Variants in ATF7 observed in about 807,000 individuals in gnomAD.
ATF7 encodes the protein activating transcription factor 7.
Under a neutral mutation model 50.4 loss-of-function variants are expected in ATF7, and 10 were observed. The ratio of observed to expected loss-of-function variants is 0.20; its 90% CI spans 0.12 to 0.34. The LOEUF (loss-of-function observed/expected upper bound fraction) is 0.34, where lower values mean the gene tolerates loss of function less well. Among genes scored for constraint, ATF7 ranks in the 10% least tolerant of loss-of-function variants. ATF7 has a pLI of 1.00. For synonymous variants in ATF7, 201 were observed against 226.4 expected, an observed-to-expected ratio of 0.89 and a Z score of 1.01; for missense variants, 465 against 613.9, an observed-to-expected ratio of 0.76 and a Z score of 2.56.
At chr12:53,525,132 TC>T (rs1431213858) in intron 9 of ATF7, among the ~76,000 whole-genome samples, 1 of 152,212 alleles carries the variant, frequency 6.6e-6, no homozygotes, top group Non-Finnish European at 1.5e-5. Flanking sequence ...GGCGGGCAGA[TC>T]ACCTGAGGTC....
chr12:53,536,529 G>A (rs548444852), intron 5 of ATF7, among the ~76,000 whole-genome samples: 12 of 151,812 alleles, frequency 7.9e-5, no homozygotes, highest in African/African-American at 2.7e-4. Flanking sequence ...CCACCACCTC[G>A]GCCTCCCAAA....
chr12:53,618,319 C>T (rs1944226700), intron 1 of ATF7, among the ~76,000 whole-genome samples: 1 of 152,104 alleles, frequency 6.6e-6, no homozygotes, highest in Non-Finnish European at 1.5e-5. Context: ...TTCTGCTTTC[C>T]AGGAGAATTC....
At chr12:53,599,549 A>T (rs754903897) in intron 2 of ATF7, among the ~76,000 whole-genome samples, 8 of 151,968 alleles carry the variant, frequency 5.3e-5, no homozygotes, top group Non-Finnish European at 1.0e-4. Context: ...AAGGAAATAC[A>T]CCCTAGGATG....
At chr12:53,626,027 G>A (rs1196125038) in intron 1 of ATF7, 2 of 152,298 alleles carry the variant, frequency 1.3e-5, no homozygotes, top group Non-Finnish European at 2.9e-5. Context: ...GGGAGAGAAG[G>A]GCGGCGCTCG....
At position 53,517,288 on chromosome 12, in the gene ATF7, G is replaced by A. The variant is rs774608144; in HGVS notation, c.1301C>T (p.Thr434Ile). Residue 434 changes from threonine (T) to isoleucine (I), a missense_variant, in exon 12 of 12, where the codon ACA becomes ATA. By Grantham distance (89) the Thr-to-Ile change is moderately conservative. Coordinates refer to ENST00000420353, the MANE Select transcript of ATF7 (RefSeq NM_006856.3). ...PAPVIQHSSA[T>I]APSNGLSVRS... Reference sequence around the variant, plus strand: ...AACACTGAGGCCATTGCTAGGGGCTGTTGCTGAGCTGTGCTGAATCACAGG... The same window carrying A: ...AACACTGAGGCCATTGCTAGGGGCTATTGCTGAGCTGTGCTGAATCACAGG... 6.2e-7 allele frequency: 1 copy of A among 1,614,058 alleles called. No individual in the cohort carries two copies. The highest frequency in any genetic ancestry group is 1.7e-5 in the Admixed American group (1 of 60,030).
At chr12:53,527,305 T>A (rs895750883) in intron 9 of ATF7, among the ~76,000 whole-genome samples, 3 of 150,050 alleles carry the variant, frequency 2.0e-5, no homozygotes, top group Non-Finnish European at 4.4e-5. Context: ...GGCAACATAG[T>A]GAGATCCGTT....
intron 2 of ATF7, among the ~76,000 whole-genome samples, chr12:53,553,567 G>A (rs574406423): frequency 1.3e-5 from 2 of 152,234 alleles, no homozygotes; most frequent in South Asian, 4.1e-4. Flanking sequence ...CTTCTTAAAA[G>A]GGGGAGAGTG....
intron 4 of ATF7, among the ~76,000 whole-genome samples, chr12:53,540,112 G>T (rs772132423): frequency 8.5e-5 from 13 of 152,082 alleles, no homozygotes; most frequent in Non-Finnish European, 1.6e-4. Flanking sequence ...CAGCACTTTG[G>T]GAAGCTGAGG....
chr12:53,607,742 A>G (rs993054938), intron 1 of ATF7, among the ~76,000 whole-genome samples: 3 of 152,212 alleles, frequency 2.0e-5, no homozygotes, highest in Non-Finnish European at 2.9e-5. Flanking sequence ...AAGATAAGGG[A>G]ATTAACATCA....
intron 7 of ATF7, 45 bp from the exon 8 acceptor site, chr12:53,532,668 T>G: frequency 4.4e-6 from 6 of 1,352,456 alleles, no homozygotes; most frequent in Non-Finnish European, 6.2e-6. Flanking sequence ...GGGAACATAA[T>G]ACCATCGGTG....
At chr12:53,595,429 A>C (rs1352371931) in intron 2 of ATF7, among the ~76,000 whole-genome samples, 4 of 152,242 alleles carry the variant, frequency 2.6e-5, no homozygotes, top group African/African-American at 9.6e-5. Context: ...ACAGAATTAA[A>C]GATCCAGAGT....
At chr12:53,620,191 C>A (rs574850562) in intron 1 of ATF7, among the ~76,000 whole-genome samples, 2 of 152,206 alleles carry the variant, frequency 1.3e-5, no homozygotes, top group Admixed American at 6.5e-5. Flanking sequence ...GTAATCCTAG[C>A]ACTTTGGGAG....
At chr12:53,559,460 C>A (rs1448284559) in intron 2 of ATF7, among the ~76,000 whole-genome samples, 2 of 151,916 alleles carry the variant, frequency 1.3e-5, no homozygotes, top group African/African-American at 4.8e-5. Flanking sequence ...GGGCAGATCA[C>A]TTGAGGTCAG....
At chr12:53,608,377 G>T (rs1157376768) in intron 1 of ATF7, among the ~76,000 whole-genome samples, 2 of 151,944 alleles carry the variant, frequency 1.3e-5, no homozygotes, top group Non-Finnish European at 2.9e-5. Flanking sequence ...GTTCAAAAAG[G>T]ACCATAAAAA....
At chr12:53,567,561 T>C (rs1278724898) in intron 2 of ATF7, among the ~76,000 whole-genome samples, 2 of 152,238 alleles carry the variant, frequency 1.3e-5, no homozygotes, top group African/African-American at 4.8e-5. Flanking sequence ...AGATCCATTA[T>C]CTTTCCTTAG....
chr12:53,562,994 G>T (rs528041048), intron 2 of ATF7, among the ~76,000 whole-genome samples: 1 of 152,254 alleles, frequency 6.6e-6, no homozygotes, highest in Non-Finnish European at 1.5e-5. Context: ...CCTTGTTTAT[G>T]ATTTTATTTT....
At chr12:53,602,787 T>C (rs1943454778) in intron 1 of ATF7, among the ~76,000 whole-genome samples, 1 of 152,170 alleles carries the variant, frequency 6.6e-6, no homozygotes, top group Non-Finnish European at 1.5e-5. Flanking sequence ...GGTTTTCTGG[T>C]TGGTTGGTTT....
intron 11 of ATF7, among the ~76,000 whole-genome samples, chr12:53,520,202 AC>A (rs1286059442): frequency 6.6e-6 from 1 of 151,972 alleles, no homozygotes; most frequent in Non-Finnish European, 1.5e-5. Flanking sequence ...ATGTTGGAGT[AC>A]CCCATGGTTC....
chr12:53,542,241 C>G (rs1409267964), intron 4 of ATF7, among the ~76,000 whole-genome samples: 1 of 150,326 alleles, frequency 6.7e-6, no homozygotes, highest in Non-Finnish European at 1.5e-5. Flanking sequence ...CTGGCTAACA[C>G]GGTGAAACCC....
Sources: allele counts gnomAD v4.1 joint callset (sites outside exome capture counted in the v4.1 genomes callset), GRCh38; gene constraint gnomAD v4.1.1; transcripts MANE v1.5; gene names NCBI Gene and HGNC (gene_info 2026-07-23, HGNC 2026-07-21).